EML5: variants seen among roughly 807,000 people sequenced by gnomAD.
EML5 encodes echinoderm microtubule-associated protein-like 5.
Under a neutral mutation model 250.0 loss-of-function variants are expected in EML5, and 120 were observed. That is an observed-to-expected ratio of 0.48 (90% CI 0.41 to 0.56). EML5 has a LOEUF of 0.56. Among genes scored for constraint, EML5 ranks in the 20% least tolerant of loss-of-function variants. The pLI, the probability that EML5 is intolerant of heterozygous loss-of-function variation, is 0.00. For missense variants in EML5, 2,006 were observed against 2,437.6 expected (o/e 0.82, Z 3.73); for synonymous variants, 771 against 806.5 (o/e 0.96, Z 0.75).
chr14:88,743,984 A>G (rs1476299552), intron 4 of EML5, 39 bp downstream of exon 4: 5 of 1,397,740 alleles, frequency 3.6e-6, no homozygotes, highest in Non-Finnish European at 4.9e-6. Context: ...GCAGCAGAGA[A>G]CTAAACGTGA....
chr14:88,764,975 A>G (rs1258103476), intron 1 of EML5, among the ~76,000 whole-genome samples: 2 of 152,192 alleles, frequency 1.3e-5, no homozygotes, highest in Non-Finnish European at 2.9e-5. Context: ...GCATTCTGCC[A>G]TGACTAGCTC....
At chr14:88,716,278 T>C (rs535151347) in intron 8 of EML5, among the ~76,000 whole-genome samples, 23 of 152,248 alleles carry the variant, frequency 1.5e-4, no homozygotes, top group African/African-American at 4.8e-4. Context: ...AAATCCAAGA[T>C]TGTATTATTT....
chr14:88,666,961 C>A (rs2092325580), intron 21 of EML5, among the ~76,000 whole-genome samples: 1 of 151,980 alleles, frequency 6.6e-6, no homozygotes, highest in African/African-American at 2.4e-5. Context: ...AGCTGGGTGG[C>A]AGCAGTGGAG....
chr14:88,771,419 T>C (rs1020074173), intron 1 of EML5, among the ~76,000 whole-genome samples: 3 of 152,174 alleles, frequency 2.0e-5, no homozygotes, highest in Non-Finnish European at 4.4e-5. Context: ...TAGGTCCCAT[T>C]CTCCTTAGTT....
intron 7 of EML5, among the ~76,000 whole-genome samples, chr14:88,735,534 A>G (rs2093825959): frequency 6.6e-6 from 1 of 152,242 alleles, no homozygotes. Flanking sequence ...TGGGATTATA[A>G]TTAGTTCTGT....
rs545972686 is a variant in EML5 at position 88,622,582 on chromosome 14, A to G, written c.5013+22T>C. The G allele has an allele frequency of 2.0e-5, 31 of 1,564,228 alleles. No homozygotes were observed. The East Asian group carries it at 6.0e-4, about 31-fold the overall frequency. ...CACTTTCTGTTTTCTGCTGCACTGT[A>G]TCAGCTCATGGAACATCTTACTTTG... On this transcript the variant is annotated intron_variant, in intron 37 of 43. Coordinates refer to ENST00000554922, the MANE Select transcript of EML5 (RefSeq NM_183387.3).
At chr14:88,636,602 A>G (rs2090750158) in intron 32 of EML5, among the ~76,000 whole-genome samples, 1 of 152,202 alleles carries the variant, frequency 6.6e-6, no homozygotes, top group African/African-American at 2.4e-5. Flanking sequence ...TGGGGGCTGC[A>G]GTGAGCCGAG....
At chr14:88,639,557 T>G (rs147812986) in intron 31 of EML5, among the ~76,000 whole-genome samples, 1 of 152,168 alleles carries the variant, frequency 6.6e-6, no homozygotes, top group Admixed American at 6.5e-5. Flanking sequence ...TTTGTTCTTA[T>G]GTCAGTGGAG....
At chr14:88,650,845 T>C (rs2091585379) in intron 27 of EML5, among the ~76,000 whole-genome samples, 1 of 152,112 alleles carries the variant, frequency 6.6e-6, no homozygotes, top group South Asian at 2.1e-4. Flanking sequence ...TCTTGCTGTG[T>C]TACCCAGGCT....
chr14:88,618,224 T>G lies in EML5; in HGVS notation c.5642+4A>C, dbSNP rs1161947268. On this transcript the variant is annotated splice_donor_region_variant and intron_variant, in intron 41 of 43. Transcript: ENST00000554922. ...TCTTGCCTTGTGAATATATAAGTAT[T>G]TACCTAGTCCATGTAGCCCAAGTAA... 1 of 1,612,892 alleles carries G rather than the reference T, an allele frequency of 6.2e-7. No homozygotes were observed. The highest frequency in any genetic ancestry group is 1.3e-5 in the African/African-American group (1 of 74,920).
intron 28 of EML5, among the ~76,000 whole-genome samples, chr14:88,649,282 C>T (rs2091506249): frequency 6.6e-6 from 1 of 152,184 alleles, no homozygotes; most frequent in South Asian, 2.1e-4. Flanking sequence ...GCAATCCTCT[C>T]ACTTCGGCCT....
intron 1 of EML5, among the ~76,000 whole-genome samples, chr14:88,762,196 T>C (rs1555375296): frequency 6.6e-6 from 1 of 152,130 alleles, no homozygotes. Flanking sequence ...CCCAGATTCA[T>C]AAAGCAAGTT....
chr14:88,754,733 ATTTGGTAGATGT>A, intron 1 of EML5, 62 bp from the exon 2 acceptor site: 1 of 1,381,434 alleles, frequency 7.2e-7, no homozygotes. Context: ...ATTTTATAGT[ATTTGGTAGATGT>A]AAAACACATA....
In EML5 at chr14:88,736,432, T is replaced by C; in HGVS notation, c.981A>G (p.Glu327=). ...TAGGATGGACAGCAAGTGCCCAAAG[T>C]TCACCTTCACAATGCCCTTGCATAA... ...FLIMQGHCEG[E]LWALAVHPTK... is the part of the protein sequence containing the mutation. The change falls in exon 7 of 44, where the codon GAA becomes GAG. Residue 327 remains glutamate, a synonymous_variant. Coordinates refer to ENST00000554922, the MANE Select transcript of EML5 (RefSeq NM_183387.3). The C allele has an allele frequency of 1.2e-6, 2 of 1,614,024 alleles. No individual in the cohort carries two copies. Among genetic ancestry groups the C allele is most frequent in the South Asian group, 2.2e-5 (2 of 91,086 alleles).
At chr14:88,627,862 A>G (rs761388951) in intron 33 of EML5, 43 bp from the exon 34 acceptor site, 30 of 1,507,998 alleles carry the variant, frequency 2.0e-5, no homozygotes, top group Non-Finnish European at 2.4e-5. Context: ...TACCTGTTAT[A>G]AATATTTCTG....
intron 1 of EML5, among the ~76,000 whole-genome samples, chr14:88,762,633 C>T (rs1423675037): frequency 2.0e-5 from 3 of 152,114 alleles, no homozygotes; most frequent in African/African-American, 7.2e-5. Flanking sequence ...ATATTCAGGA[C>T]TTGAACTCAG....
In EML5 at chr14:88,705,550, C is replaced by T. The variant is rs1186792216; in HGVS notation, c.1864G>A (p.Asp622Asn). The T allele has an allele frequency of 6.2e-7, 1 of 1,601,940 alleles. No homozygotes were observed. Among genetic ancestry groups the T allele is most frequent in the African/African-American group, 1.3e-5 (1 of 74,760 alleles). The change falls in exon 12 of 44, where the codon GAT becomes AAT. Residue 622 changes from aspartate to asparagine, a missense_variant. Asp to Asn is a conservative substitution (Grantham distance 23). Around this residue, in one of 7 missense-constraint regions of EML5, gnomAD observed 1,375 missense variants for 1,590.3 expected, o/e 0.86. Transcript: ENST00000554922. Reference protein sequence around the residue: ...ADSHSDESDSDLSDVPELDSE... With the variant: ...ADSHSDESDSNLSDVPELDSE... ...TCCAGTTCTGGAACATCAGACAGAT[C>T]TGAATCTGATTCATCACTATGAGAG...
rs550549546 is a variant in EML5 at position 88,653,976 on chromosome 14, G to C, written c.4004+3400C>G. Among the ~76,000 whole-genome samples the C allele has an allele frequency of 9.2e-5, 14 of 152,088 alleles. No individual in the cohort carries two copies. The South Asian group carries it at 2.1e-3, about 23-fold the overall frequency. On this transcript the variant is annotated intron_variant, in intron 27 of 43. Coordinates refer to ENST00000554922, the MANE Select transcript of EML5 (RefSeq NM_183387.3). ...TGCCTCAATTCCAGACTTTGTTATT[G>C]GTCTATTCAGGGATTCCACTTCTGG... is the stretch of plus-strand genomic sequence containing the variant.
chr14:88,700,816 A>C (rs1332840780), intron 14 of EML5, among the ~76,000 whole-genome samples: 3 of 152,108 alleles, frequency 2.0e-5, no homozygotes, highest in Non-Finnish European at 4.4e-5. Context: ...TGCATCCAAG[A>C]CCCAGTTTGT....
Sources: allele counts gnomAD v4.1 joint callset (sites outside exome capture counted in the v4.1 genomes callset), GRCh38; gene constraint gnomAD v4.1.1; regional missense constraint gnomAD v4.1.1; transcripts MANE v1.5; gene names NCBI Gene and HGNC (gene_info 2026-07-23, HGNC 2026-07-21).